Variants in KCNJ6 observed in about 807,000 individuals in gnomAD.
KCNJ6 encodes G protein-activated inward rectifier potassium channel 2.
KCNJ6 carries 9 observed loss-of-function variants against 34.2 expected under a neutral mutation model. The observed-to-expected ratio is 0.26, with a 90% CI of 0.16 to 0.46. The LOEUF is 0.46. KCNJ6 is among the 20% of genes least tolerant of loss of function. The pLI is 1.00. For missense variants in KCNJ6, 236 were observed against 531.3 expected, an observed-to-expected ratio of 0.44 and a Z score of 5.46; for synonymous variants, 196 against 207.1, an observed-to-expected ratio of 0.95 and a Z score of 0.46.
At chr21:37,712,782 A>G (rs1321844745) in intron 3 of KCNJ6, among the ~76,000 whole-genome samples, 1 of 99,846 alleles carries the variant, frequency 1.0e-5, no homozygotes, top group African/African-American at 4.0e-5. Flanking sequence ...CTTCCCTTCT[A>G]CTTCTCCCTT....
chr21:37,710,593 C>T (rs1376785324), intron 3 of KCNJ6, among the ~76,000 whole-genome samples: 2 of 152,186 alleles, frequency 1.3e-5, no homozygotes, highest in Non-Finnish European at 2.9e-5. Flanking sequence ...GTTGTATAAT[C>T]GCTGGGGGTA....
At chr21:37,835,002 C>T (rs2836008) in intron 2 of KCNJ6, among the ~76,000 whole-genome samples, 1 of 151,932 alleles carries the variant, frequency 6.6e-6, no homozygotes, top group Non-Finnish European at 1.5e-5. Flanking sequence ...GTGGACCATG[C>T]CCAAAGGGAT....
chr21:37,702,502 G>T (rs917538202), intron 3 of KCNJ6, among the ~76,000 whole-genome samples: 4 of 152,166 alleles, frequency 2.6e-5, no homozygotes, highest in African/African-American at 9.7e-5. Flanking sequence ...TGGGGAAGAT[G>T]AAGAGCCGAA....
intron 2 of KCNJ6, among the ~76,000 whole-genome samples, chr21:37,801,734 T>A (rs1217262427): frequency 6.6e-6 from 1 of 151,824 alleles, no homozygotes. Context: ...CACTGTGATT[T>A]TTTTTAAAAA....
chr21:37,836,170 C>T (rs1450832282), intron 2 of KCNJ6, among the ~76,000 whole-genome samples: 4 of 152,114 alleles, frequency 2.6e-5, no homozygotes, highest in Non-Finnish European at 5.9e-5. Context: ...TAGAGAAATG[C>T]AAATCAAAAC....
Position 37,624,635 on chromosome 21 carries a change from G to A in KCNJ6, c.*524C>T, listed in dbSNP as rs934449480. 2 of 160,652 alleles carry A rather than the reference G, an allele frequency of 1.2e-5. No homozygotes were observed. The highest frequency in any genetic ancestry group is 4.8e-5 in the African/African-American group (2 of 41,456). The allele number at this position is 160,652 out of a possible 1,614,324, so 10.0% of individuals were successfully genotyped here. Reference sequence around the variant, plus strand: ...AAATAATTACATAAGGCATATATATGTACAGTGGTTTGTCTTCAGCTCACC... The same window carrying A: ...AAATAATTACATAAGGCATATATATATACAGTGGTTTGTCTTCAGCTCACC... On this transcript the variant is annotated 3_prime_UTR_variant, in exon 4 of 4. Coordinates refer to ENST00000609713, the MANE Select transcript of KCNJ6 (RefSeq NM_002240.5).
intron 2 of KCNJ6, among the ~76,000 whole-genome samples, chr21:37,760,057 C>T (rs115955258): frequency 1.5e-3 from 228 of 152,300 alleles, no homozygotes; most frequent in African/African-American, 3.3e-3. Flanking sequence ...GCCACGGCTA[C>T]GAGCTGCTTT....
At chr21:37,731,978 G>T (rs2054887923) in intron 2 of KCNJ6, among the ~76,000 whole-genome samples, 2 of 152,210 alleles carry the variant, frequency 1.3e-5, no homozygotes, top group Admixed American at 6.5e-5. Context: ...AAGTTCGACT[G>T]CAGGGACAGA....
chr21:37,763,410 T>C (rs532494982), intron 2 of KCNJ6, among the ~76,000 whole-genome samples: 3 of 152,328 alleles, frequency 2.0e-5, no homozygotes, highest in Admixed American at 6.5e-5. Context: ...TTCCTGCTCC[T>C]GATCCTAGAG....
chr21:37,910,448 C>T (rs918763322), intron 1 of KCNJ6, among the ~76,000 whole-genome samples: 4 of 152,154 alleles, frequency 2.6e-5, no homozygotes, highest in Admixed American at 6.5e-5. Flanking sequence ...GAGGAAACTG[C>T]CACAGGATTT....
intron 1 of KCNJ6, among the ~76,000 whole-genome samples, chr21:37,858,770 T>C (rs2055578110): frequency 6.6e-6 from 1 of 152,050 alleles, no homozygotes; most frequent in African/African-American, 2.4e-5. Context: ...AAATTCTCCA[T>C]GGGTTTTTTT....
intron 2 of KCNJ6, among the ~76,000 whole-genome samples, chr21:37,781,835 C>T (rs548043575): frequency 6.6e-6 from 1 of 152,202 alleles, no homozygotes; most frequent in Non-Finnish European, 1.5e-5. Context: ...TGTCACAGCC[C>T]CAGAGGCAGA....
Position 37,609,624 on chromosome 21 carries a change from A to G in KCNJ6, c.*15535T>C, listed in dbSNP as rs1367342966. The G allele has an allele frequency of 3.9e-5, 6 of 152,234 alleles. No homozygotes were observed. The highest frequency in any genetic ancestry group is 1.4e-4 in the African/African-American group (6 of 41,458). 9.4% of individuals were successfully genotyped at this position (152,234 alleles called of 1,614,324 possible). ...GGCCACTATTTTCCATTACTGGTATATAACTAAAATAAAGCAGTAGTGCTA... is the reference window on the plus strand; with the variant it reads ...GGCCACTATTTTCCATTACTGGTATGTAACTAAAATAAAGCAGTAGTGCTA... On this transcript the variant is annotated 3_prime_UTR_variant, in exon 4 of 4. Transcript: ENST00000609713.
chr21:37,868,432 A>T (rs963024127), intron 1 of KCNJ6, among the ~76,000 whole-genome samples: 2 of 152,226 alleles, frequency 1.3e-5, no homozygotes, highest in African/African-American at 4.8e-5. Flanking sequence ...AGTAAATTAT[A>T]CATCTTATCA....
rs762692628 is a variant in KCNJ6 at position 37,612,600 on chromosome 21, G to C, written c.*12559C>G. The C allele has an allele frequency of 2.0e-5, 3 of 151,754 alleles. No homozygotes were observed. In the South Asian group the frequency reaches 6.2e-4, roughly 32 times the overall value. The allele number at this position is 151,754 out of a possible 1,614,324, so 9.4% of individuals were successfully genotyped here. On this transcript the variant is annotated 3_prime_UTR_variant, in exon 4 of 4. Transcript: ENST00000609713. ...TCAGTGGAACAGAATGGAGAGCTGA[G>C]AAACAGACCCACACAAATATAGTTA...
intron 2 of KCNJ6, among the ~76,000 whole-genome samples, chr21:37,731,557 C>T (rs1391768660): frequency 6.6e-6 from 1 of 152,188 alleles, no homozygotes; most frequent in Non-Finnish European, 1.5e-5. Flanking sequence ...TAGGCAGCAT[C>T]ATTGATCTGA....
rs1601436998 is a variant in KCNJ6, at chr21:37,720,165, T to A, written c.26-5034A>T. On this transcript the variant is annotated intron_variant, in intron 2 of 3. Transcript: ENST00000609713. ...CAAACATTTTTGAAATTTTCTAGAA[T>A]ACATTTATATTACTTTTATAATTAA... is the stretch of plus-strand genomic sequence containing the variant. Among the ~76,000 whole-genome samples, 4 of 152,118 alleles carry A rather than the reference T, an allele frequency of 2.6e-5. No homozygotes were observed. In the South Asian group the frequency reaches 8.3e-4, roughly 32 times the overall value.
At chr21:37,795,457 A>C (rs1338608803) in intron 2 of KCNJ6, among the ~76,000 whole-genome samples, 2 of 152,162 alleles carry the variant, frequency 1.3e-5, no homozygotes, top group African/African-American at 4.8e-5. Context: ...AGATTGCCAC[A>C]TAGAGGGCTG....
At chr21:37,707,114 C>G (rs5000795) in intron 3 of KCNJ6, among the ~76,000 whole-genome samples, 152,364 of 152,368 alleles carry the variant, frequency 1, 76,180 homozygotes, top group Non-Finnish European at 1. Flanking sequence ...TGGCAGTACC[C>G]GGGCAGAGGC....
Sources: allele counts gnomAD v4.1 joint callset (sites outside exome capture counted in the v4.1 genomes callset), GRCh38; gene constraint gnomAD v4.1.1; transcripts MANE v1.5; gene names NCBI Gene and HGNC (gene_info 2026-07-23, HGNC 2026-07-21).